FHIT: variants seen among roughly 807,000 people sequenced by gnomAD.
FHIT encodes bis(5'-adenosyl)-triphosphatase.
Under a neutral mutation model 17.9 loss-of-function variants are expected in FHIT, and 19 were observed. The ratio of observed to expected loss-of-function variants is 1.06; its 90% CI spans 0.74 to 1.56. The LOEUF (loss-of-function observed/expected upper bound fraction) is 1.56. Ranked by LOEUF, FHIT falls within the 40% of genes most tolerant of loss-of-function variation. The pLI is 0.00. For synonymous variants in FHIT, 81 were observed against 69.7 expected (o/e 1.16, Z -0.81); for missense variants, 248 against 189.2 (o/e 1.31, Z -1.82).
chr3:59,862,882 A>G (rs1001480804), intron 8 of FHIT, among the ~76,000 whole-genome samples: 2 of 101,922 alleles, frequency 2.0e-5, no homozygotes, highest in African/African-American at 5.7e-5. Context: ...TCCATGAGTC[A>G]TTCTGATAAC....
intron 5 of FHIT, among the ~76,000 whole-genome samples, chr3:60,416,493 T>C (rs1228058798): frequency 6.6e-6 from 1 of 152,212 alleles, no homozygotes; most frequent in Non-Finnish European, 1.5e-5. Flanking sequence ...ACCACAATTG[T>C]GTGAAAGCAG....
intron 5 of FHIT, among the ~76,000 whole-genome samples, chr3:60,309,108 T>C (rs1708819234): frequency 1.3e-5 from 2 of 152,188 alleles, no homozygotes; most frequent in Non-Finnish European, 2.9e-5. Flanking sequence ...GTGATTGCTC[T>C]GTAGTTCCAT....
intron 8 of FHIT, among the ~76,000 whole-genome samples, chr3:59,904,791 A>G (rs1002366381): frequency 1.3e-5 from 2 of 152,210 alleles, no homozygotes; most frequent in Non-Finnish European, 2.9e-5. Flanking sequence ...TGGTCTCCCT[A>G]CCTGAAGGTG....
At chr3:61,002,179 T>C (rs2107605553) in intron 3 of FHIT, among the ~76,000 whole-genome samples, 1 of 152,376 alleles carries the variant, frequency 6.6e-6, no homozygotes, top group East Asian at 1.9e-4. Flanking sequence ...AAATATGTGA[T>C]ACATTTTTAT....
chr3:59,762,273 G>A (rs1471362973), intron 8 of FHIT, among the ~76,000 whole-genome samples: 2 of 152,172 alleles, frequency 1.3e-5, no homozygotes, highest in African/African-American at 4.8e-5. Flanking sequence ...TTTTCATTTA[G>A]TAGTTTCAGA....
intron 5 of FHIT, among the ~76,000 whole-genome samples, chr3:60,501,683 G>C (rs1013576866): frequency 6.6e-6 from 1 of 152,078 alleles, no homozygotes; most frequent in African/African-American, 2.4e-5. Context: ...GGTGATGCTC[G>C]GTCCTTTAGA....
intron 5 of FHIT, among the ~76,000 whole-genome samples, chr3:60,098,848 G>C (rs1559630490): frequency 6.6e-6 from 1 of 152,118 alleles, no homozygotes; most frequent in Non-Finnish European, 1.5e-5. Flanking sequence ...CAAATTTTGG[G>C]AGAGTCAAAA....
At chr3:60,695,489 G>T (rs2107895480) in intron 4 of FHIT, among the ~76,000 whole-genome samples, 1 of 152,318 alleles carries the variant, frequency 6.6e-6, no homozygotes, top group African/African-American at 2.4e-5. Flanking sequence ...AAGTCAAACT[G>T]TGAGGGTTCA....
At chr3:60,058,130 GTTTTTTTTTTTTTTTTTT>G (rs71089573) in intron 5 of FHIT, among the ~76,000 whole-genome samples, 1 of 66,272 alleles carries the variant, frequency 1.5e-5, no homozygotes, top group African/African-American at 5.8e-5. Flanking sequence ...ACAGAGTTGT[GTTTTTTTTTTTTTTTTTT>G]TTTTTTTTTT....
In FHIT at chr3:61,237,970, A is replaced by G. The variant is rs569157390; in HGVS notation, c.-213+13331T>C. On this transcript the variant is annotated intron_variant, in intron 1 of 9. Transcript: ENST00000492590. ...AAGTATAAATAACCCATCTGCACAG[A>G]GCAACAGTCTTCAGACAACCCAGAC... 2.6e-5 allele frequency among the ~76,000 whole-genome samples: 4 copies of G among 152,288 alleles called. No individual in the cohort carries two copies. The South Asian group carries it at 8.3e-4, about 32-fold the overall frequency.
chr3:61,054,725 C>G (rs1184406602), intron 2 of FHIT, among the ~76,000 whole-genome samples: 1 of 152,136 alleles, frequency 6.6e-6, no homozygotes, highest in Non-Finnish European at 1.5e-5. Context: ...GAACACTGGT[C>G]TCCTGGTCTG....
At chr3:60,528,894 C>T (rs1243124257) in intron 5 of FHIT, among the ~76,000 whole-genome samples, 1 of 152,224 alleles carries the variant, frequency 6.6e-6, no homozygotes. Context: ...TCAGGAACCA[C>T]CTTTGACATT....
chr3:60,785,156 GA>G (rs1700524342), intron 4 of FHIT, among the ~76,000 whole-genome samples: 1 of 152,170 alleles, frequency 6.6e-6, no homozygotes, highest in Non-Finnish European at 1.5e-5. Context: ...ACTAAAGCTA[GA>G]ATTCTTGATA....
At chr3:59,824,695 C>T (rs534426595) in intron 8 of FHIT, among the ~76,000 whole-genome samples, 48 of 152,246 alleles carry the variant, frequency 3.2e-4, no homozygotes, top group African/African-American at 8.9e-4. Flanking sequence ...GAAGTGAGCC[C>T]CACCTTCTGT....
intron 5 of FHIT, among the ~76,000 whole-genome samples, chr3:60,531,019 C>A (rs2107586521): frequency 6.6e-6 from 1 of 152,296 alleles, no homozygotes; most frequent in African/African-American, 2.4e-5. Flanking sequence ...ACACAATAAT[C>A]TGCCAAATGA....
chr3:60,776,615 C>T (rs561343229), intron 4 of FHIT, among the ~76,000 whole-genome samples: 1 of 152,242 alleles, frequency 6.6e-6, no homozygotes, highest in East Asian at 1.9e-4. Flanking sequence ...TGGGGACACA[C>T]GGAACTAACC....
intron 5 of FHIT, among the ~76,000 whole-genome samples, chr3:60,456,746 C>T (rs112042083): frequency 4.6e-5 from 7 of 152,220 alleles, no homozygotes; most frequent in African/African-American, 1.4e-4. Context: ...CCAAATCCAT[C>T]CATGACAGTT....
At position 60,129,191 on chromosome 3, in the gene FHIT, T is replaced by G. The variant is rs569630946; in HGVS notation, c.104-115039A>C. 3.3e-5 allele frequency among the ~76,000 whole-genome samples: 5 copies of G among 152,026 alleles called. No homozygotes were observed. In the South Asian group the frequency reaches 1.0e-3, roughly 32 times the overall value. On this transcript the variant is annotated intron_variant, in intron 5 of 9. Transcript: ENST00000492590. ...CCTCAGCCTCCCAAGTAGCTGGGAC[T>G]ACAGGTGAGTGCCACCACATCCAGC...
Position 60,296,617 on chromosome 3 carries a change from T to C in FHIT, c.103+240243A>G, listed in dbSNP as rs564264277. 5.9e-5 allele frequency among the ~76,000 whole-genome samples: 9 copies of C among 152,216 alleles called. No homozygotes were observed. The South Asian group carries it at 1.9e-3, about 32-fold the overall frequency. ...CAGTCTGCAGCTTGTCTTTTTAGCC[T>C]CTTAGCAGAGTCTTTCAGAGAGAAA... On this transcript the variant is annotated intron_variant, in intron 5 of 9. Transcript: ENST00000492590.
Sources: allele counts gnomAD v4.1 joint callset (sites outside exome capture counted in the v4.1 genomes callset), GRCh38; gene constraint gnomAD v4.1.1; transcripts MANE v1.5; gene names NCBI Gene and HGNC (gene_info 2026-07-23, HGNC 2026-07-21).